TMEM235: variants seen among roughly 807,000 people sequenced by gnomAD.
The protein encoded by TMEM235 is transmembrane protein 235.
TMEM235 carries 23 observed loss-of-function variants against 22.9 expected under a neutral mutation model. The ratio of observed to expected loss-of-function variants is 1.00; its 90% CI spans 0.72 to 1.42. The LOEUF (loss-of-function observed/expected upper bound fraction) is 1.42. Among genes scored for constraint, TMEM235 ranks in the 40% most tolerant of loss-of-function variants. The pLI, the probability that TMEM235 is intolerant of heterozygous loss-of-function variation, is 0.00. For missense variants in TMEM235, 308 were observed against 299.5 expected, an observed-to-expected ratio of 1.03 and a Z score of -0.21; for synonymous variants, 137 against 140.5, an observed-to-expected ratio of 0.98 and a Z score of 0.17.
At chr17:78,232,808 G>A (rs979190794) in intron 2 of TMEM235, among the ~76,000 whole-genome samples, 31 of 152,132 alleles carry the variant, frequency 2.0e-4, no homozygotes, top group African/African-American at 6.8e-4. Flanking sequence ...CAGGGCAGGG[G>A]TGTGTGTGTG....
intron 2 of TMEM235, among the ~76,000 whole-genome samples, chr17:78,233,626 C>T (rs2076608395): frequency 6.6e-6 from 1 of 150,758 alleles, no homozygotes; most frequent in Non-Finnish European, 1.5e-5. Flanking sequence ...AACCGGGAGG[C>T]GGAGCTTGCA....
exon 2 of TMEM235, chr17:78,231,693 A>G (rs1414657972): frequency 1.6e-6 from 2 of 1,282,368 alleles, no homozygotes; most frequent in Admixed American, 4.9e-5. Context: ...CCGGGGGTTC[A>G]GGGAAATTAA....
intron 2 of TMEM235, among the ~76,000 whole-genome samples, chr17:78,233,310 A>C (rs2076604988): frequency 6.6e-6 from 1 of 152,196 alleles, no homozygotes; most frequent in Non-Finnish European, 1.5e-5. Context: ...TCCACACACA[A>C]ACGCATTACA....
chr17:78,232,964 AGTGTGCATGT>A (rs550334924), intron 2 of TMEM235, among the ~76,000 whole-genome samples: 83 of 152,116 alleles, frequency 5.5e-4, no homozygotes, highest in African/African-American at 1.8e-3. Flanking sequence ...TGAGCATGTC[AGTGTGCATGT>A]GTGTGCATGT....
Position 78,238,221 on chromosome 17 carries a change from C to T in TMEM235, c.410-803C>T, listed in dbSNP as rs552189045. ...CATGGGCCGAGTCCCCTACCTAGCT[C>T]GTTGCTGGACCCTGAACTGCCGGAT... On this transcript the variant is annotated intron_variant, in intron 4 of 5. Transcript: ENST00000421688. This position sits in a 1 kb window ranked among gnomAD's most constrained non-coding sequence, Gnocchi z 4.3. 6.6e-6 allele frequency among the ~76,000 whole-genome samples: 1 copy of T among 152,230 alleles called. No homozygotes were observed.
chr17:78,239,901 G>T, exon 6 of TMEM235: 4 of 1,551,356 alleles, frequency 2.6e-6, no homozygotes, highest in Non-Finnish European at 2.6e-6. Context: ...CGAAGGGCAG[G>T]CTTGGTGGAG....
exon 2 of TMEM235, chr17:78,231,680 G>A: frequency 7.7e-7 from 1 of 1,292,732 alleles, no homozygotes; most frequent in South Asian, 1.2e-5. Context: ...GGCTGCTGAG[G>A]AGCCGGGGGT....
Position 78,238,585 on chromosome 17 carries a change from T to TGTGA in TMEM235, c.410-438_410-437insTGAG, listed in dbSNP as rs750495355. Among the ~76,000 whole-genome samples, 1,237 of 142,984 alleles carry TGTGA rather than the reference T, an allele frequency of 8.7e-3. 2 individuals carry two copies. The highest frequency in any genetic ancestry group is 0.013 in the Non-Finnish European group (869 of 65,968). 93.8% of individuals were successfully genotyped at this position (142,984 alleles called of 152,430 possible). ...GTGTGTGTGTGTGTGTGTGTGTGTG[T>TGTGA]GAATGTGTGCAAATGTGTTCGTGTA... On this transcript the variant is annotated intron_variant, in intron 4 of 5. Coordinates refer to ENST00000421688, the Ensembl canonical transcript of TMEM235. The surrounding 1 kb of genome is among the most constrained non-coding windows in gnomAD (Gnocchi z 4.3).
exon 6 of TMEM235, chr17:78,239,945 G>A (rs760616722): frequency 1.5e-5 from 24 of 1,549,964 alleles, no homozygotes; most frequent in Non-Finnish European, 2.0e-5. Flanking sequence ...GAGCCCCTCC[G>A]ATTTGCAGGG....
upstream of TMEM235, chr17:78,231,316 G>A (rs2076576135): frequency 2.8e-6 from 3 of 1,062,766 alleles, no homozygotes; most frequent in Non-Finnish European, 3.7e-6. Context: ...GCCTGTCCTA[G>A]AAGGTTCTTT....
chr17:78,239,006 T>A lies in TMEM235; in HGVS notation c.410-18T>A. 1 of 1,530,274 alleles carries A rather than the reference T, an allele frequency of 6.5e-7. No homozygotes were observed. The highest frequency in any genetic ancestry group is 1.2e-5 in the South Asian group (1 of 83,676). 94.8% of individuals were successfully genotyped at this position (1,530,274 alleles called of 1,614,324 possible). On this transcript the variant is annotated intron_variant, in intron 4 of 5. Coordinates refer to ENST00000421688, the Ensembl canonical transcript of TMEM235. ...TAGAGCAGACACCGAGCAGCTGCCCTCCCCATCTCTCCCCCAGGTGTCCTG... is the reference window on the plus strand; with the variant it reads ...TAGAGCAGACACCGAGCAGCTGCCCACCCCATCTCTCCCCCAGGTGTCCTG...
At chr17:78,234,177 T>A (rs1313084248) in intron 3 of TMEM235, 2 of 703,462 alleles carry the variant, frequency 2.8e-6, no homozygotes, top group Non-Finnish European at 5.1e-6. Flanking sequence ...TGTTTTCCCC[T>A]GTCTCAGTTT....
intron 2 of TMEM235, 65 bp from the exon 2 acceptor site, chr17:78,233,830 C>A: frequency 6.8e-7 from 1 of 1,480,336 alleles, no homozygotes; most frequent in South Asian, 1.2e-5. Context: ...GTCCCCTGGG[C>A]TCGGGTAGGC....
Position 78,231,938 on chromosome 17 carries a change from C to G in TMEM235, c.-86C>G, listed in dbSNP as rs576298174. The G allele has an allele frequency of 8.2e-4, 822 of 1,005,622 alleles. 3 individuals are homozygous for G. The African/African-American group carries it at 0.013, about 15-fold the overall frequency. 62.3% of individuals were successfully genotyped at this position (1,005,622 alleles called of 1,614,324 possible). ...GGCGCCGCCGCGCCCGCCCGCCCCCCGTCCCCCGGCTCCCGGCTCCGCGCG... is the reference window on the plus strand; with the variant it reads ...GGCGCCGCCGCGCCCGCCCGCCCCCGGTCCCCCGGCTCCCGGCTCCGCGCG... On this transcript the variant is annotated 5_prime_UTR_variant, in exon 2 of 6. Coordinates refer to ENST00000421688, the Ensembl canonical transcript of TMEM235.
Position 78,239,780 on chromosome 17 carries a change from AG to A in TMEM235, c.665del (p.Gly222GlufsTer80). The A allele has an allele frequency of 6.5e-7, 1 of 1,541,608 alleles. No individual in the cohort carries two copies. The highest frequency in any genetic ancestry group is 8.8e-7 in the Non-Finnish European group (1 of 1,138,880). On this transcript the variant is annotated frameshift_variant and splice_region_variant, in exon 6 of 6. Coordinates refer to ENST00000421688, the Ensembl canonical transcript of TMEM235. LOFTEE classifies it high-confidence loss of function. ...TGACTACCCTTTATCCATTTTACAG[AG>A]GGGGAGACTGAGGCCCAGAGCGGCA... is the stretch of plus-strand genomic sequence containing the variant.
At position 78,238,585 on chromosome 17, in the gene TMEM235, T is replaced by TGTGTGTGTGTGA. The variant is rs750495355; in HGVS notation, c.410-438_410-437insTGTGTGTGTGAG. ...GTGTGTGTGTGTGTGTGTGTGTGTG[T>TGTGTGTGTGTGA]GAATGTGTGCAAATGTGTTCGTGTA... is the stretch of plus-strand genomic sequence containing the variant. On this transcript the variant is annotated intron_variant, in intron 4 of 5. Transcript: ENST00000421688. The surrounding 1 kb of genome is among the most constrained non-coding windows in gnomAD (Gnocchi z 4.3). 0.013 allele frequency among the ~76,000 whole-genome samples: 1,851 copies of TGTGTGTGTGTGA among 142,892 alleles called. 28 individuals carry two copies. Among genetic ancestry groups the TGTGTGTGTGTGA allele is most frequent in the Middle Eastern group, 0.055 (15 of 272 alleles). The allele number at this position is 142,892 out of a possible 152,430, so 93.7% of individuals were successfully genotyped here.
At chr17:78,239,964 C>T (rs2076691148) in exon 6 of TMEM235, 1 of 1,548,916 alleles carries the variant, frequency 6.5e-7, no homozygotes, top group Non-Finnish European at 8.7e-7. Context: ...GGGTGGGGGG[C>T]AAGGAGCTGA....
chr17:78,236,763 C>T (rs1198523774), intron 4 of TMEM235, among the ~76,000 whole-genome samples: 1 of 152,216 alleles, frequency 6.6e-6, no homozygotes, highest in Non-Finnish European at 1.5e-5. Context: ...GCTGGGGGCA[C>T]CCTCCCTGTT....
At position 78,239,803 on chromosome 17, in the gene TMEM235, G is replaced by A. The variant is rs370508383; in HGVS notation, c.*11G>A. The A allele has an allele frequency of 2.4e-5, 37 of 1,549,062 alleles. No individual in the cohort carries two copies. In the Middle Eastern group the frequency reaches 1.5e-3, roughly 63 times the overall value. On this transcript the variant is annotated 3_prime_UTR_variant, in exon 6 of 6. Coordinates refer to ENST00000421688, the Ensembl canonical transcript of TMEM235. Reference sequence around the variant, plus strand: ...AGAGGGGGAGACTGAGGCCCAGAGCGGCAGAGGGACCCACCCAGATCGCCT... The same window carrying A: ...AGAGGGGGAGACTGAGGCCCAGAGCAGCAGAGGGACCCACCCAGATCGCCT...
Sources: allele counts gnomAD v4.1 joint callset (sites outside exome capture counted in the v4.1 genomes callset), GRCh38; gene constraint gnomAD v4.1.1; non-coding constraint Gnocchi (gnomAD v3.1); transcripts MANE v1.5; gene names NCBI Gene and HGNC (gene_info 2026-07-23, HGNC 2026-07-21).